The following RHOT1 variants were observed in gnomAD, a reference collection of about 807,000 sequenced individuals.
RHOT1 encodes ras homolog family member T1.
RHOT1 carries 27 observed loss-of-function variants against 95.3 expected under a neutral mutation model. That is an observed-to-expected ratio of 0.28 (90% confidence interval 0.21 to 0.39). RHOT1 has a LOEUF of 0.39. Among genes scored for constraint, RHOT1 ranks in the 10% least tolerant of loss-of-function variants. The probability of loss-of-function intolerance (pLI) is 1.00; values close to 1 mark genes in which losing one functional copy is unlikely to be tolerated. For missense variants in RHOT1, 578 were observed against 786.7 expected (o/e 0.73, Z 3.17); for synonymous variants, 227 against 263.5 (o/e 0.86, Z 1.34).
intron 8 of RHOT1, among the ~76,000 whole-genome samples, chr17:32,187,583 TTTTA>T (rs1417618127): frequency 6.6e-6 from 1 of 152,158 alleles, no homozygotes; most frequent in African/African-American, 2.4e-5. Flanking sequence ...CATTTTATAT[TTTTA>T]TTTATTTATT....
At chr17:32,162,587 G>A (rs952710697) in intron 1 of RHOT1, among the ~76,000 whole-genome samples, 2 of 152,128 alleles carry the variant, frequency 1.3e-5, no homozygotes, top group East Asian at 1.9e-4. Flanking sequence ...TGGTGATGTC[G>A]AAAATAACAG....
chr17:32,222,592 C>A (rs1185680699), intron 19 of RHOT1, among the ~76,000 whole-genome samples: 3 of 151,680 alleles, frequency 2.0e-5, no homozygotes, highest in Admixed American at 2.0e-4. Flanking sequence ...TTAAGTTTGG[C>A]AATTTGCTAT....
chr17:32,193,061 G>A (rs1598407130), intron 9 of RHOT1, 75 bp from the exon 10 acceptor site: 2 of 879,662 alleles, frequency 2.3e-6, no homozygotes, highest in South Asian at 3.1e-5. Flanking sequence ...ATATTGCTTT[G>A]TAGATTATCA....
Position 32,142,988 on chromosome 17 carries a change from T to C in RHOT1, c.37+259T>C, listed in dbSNP as rs921118355. ...TCCTTTCCCTGTTCCCCAGCCGTCC[T>C]CCCAAGCCATGTCCCTATTAGCCCT... On this transcript the variant is annotated intron_variant, in intron 1 of 19. Transcript: ENST00000545287. The C allele has an allele frequency of 2.8e-5, 20 of 708,218 alleles. No homozygotes were observed. The African/African-American group carries it at 3.0e-4, about 11-fold the overall frequency. The allele number at this position is 708,218 out of a possible 1,614,324, so 43.9% of individuals were successfully genotyped here.
intron 13 of RHOT1, among the ~76,000 whole-genome samples, chr17:32,200,063 A>G (rs1257626060): frequency 1.3e-5 from 2 of 150,544 alleles, no homozygotes; most frequent in Non-Finnish European, 2.9e-5. Flanking sequence ...TGCCTCAGCC[A>G]TGAGGTTCTT....
chr17:32,150,975 G>C, intron 1 of RHOT1: 1 of 1,542,914 alleles, frequency 6.5e-7, no homozygotes, highest in Non-Finnish European at 8.8e-7. Context: ...TGCTGCTGCT[G>C]CTGCTGCTTC....
At chr17:32,199,080 T>C (rs758795972) in intron 12 of RHOT1, 49 bp downstream of exon 12, 14 of 1,317,720 alleles carry the variant, frequency 1.1e-5, no homozygotes, top group Non-Finnish European at 1.3e-5. Flanking sequence ...AACATTTTTC[T>C]ATGGATGATA....
chr17:32,180,713 AAAAAG>A (rs1283840915), intron 6 of RHOT1, among the ~76,000 whole-genome samples: 2 of 151,716 alleles, frequency 1.3e-5, no homozygotes, highest in Non-Finnish European at 2.9e-5. Context: ...AAAAAAAAAA[AAAAAG>A]AGGGCAGTTT....
At chr17:32,175,151 A>G (rs1441726401) in intron 3 of RHOT1, among the ~76,000 whole-genome samples, 168 bp from the exon 4 acceptor site, 1 of 152,226 alleles carries the variant, frequency 6.6e-6, no homozygotes, top group African/African-American at 2.4e-5. Context: ...TTTCAGGGCC[A>G]GCTGCCTTAT....
At chr17:32,175,742 G>C (rs1396386661) in intron 4 of RHOT1, among the ~76,000 whole-genome samples, 1 of 152,116 alleles carries the variant, frequency 6.6e-6, no homozygotes. Flanking sequence ...AAGTTCTTTT[G>C]CAGTTCTTTA....
intron 8 of RHOT1, among the ~76,000 whole-genome samples, chr17:32,184,470 G>A (rs2035880093): frequency 6.6e-6 from 1 of 151,550 alleles, no homozygotes; most frequent in African/African-American, 2.4e-5. Flanking sequence ...GTTTTTGGTG[G>A]GTTTTATTTT....
chr17:32,207,233 CAT>C (rs2037822128), intron 17 of RHOT1: 1 of 460,292 alleles, frequency 2.2e-6, no homozygotes, highest in African/African-American at 2.0e-5. Context: ...AAGTTTTCGA[CAT>C]GTGATTGTGA....
At chr17:32,197,913 G>C (rs751807941) in intron 11 of RHOT1, among the ~76,000 whole-genome samples, 1 of 151,988 alleles carries the variant, frequency 6.6e-6, no homozygotes, top group African/African-American at 2.4e-5. Context: ...TTGTTTGTTT[G>C]AGACAGGGTC....
chr17:32,157,142 A>G (rs530138811), intron 1 of RHOT1, among the ~76,000 whole-genome samples: 84 of 152,376 alleles, frequency 5.5e-4, no homozygotes, highest in Non-Finnish European at 9.4e-4. Flanking sequence ...CTCAACACCC[A>G]GCTTAAGAAA....
At chr17:32,222,970 C>G in intron 19 of RHOT1, 3 of 775,068 alleles carry the variant, frequency 3.9e-6, no homozygotes, top group Non-Finnish European at 4.7e-6. Flanking sequence ...ATTTTCTTCT[C>G]TGACTTTTTT....
Position 32,192,300 on chromosome 17 carries a change from G to A in RHOT1, c.639+1G>A. 7.1e-7 allele frequency: 1 copy of A among 1,418,270 alleles called. No individual in the cohort carries two copies. The highest frequency in any genetic ancestry group is 9.7e-7 in the Non-Finnish European group (1 of 1,033,416). 87.9% of individuals were successfully genotyped at this position (1,418,270 alleles called of 1,614,324 possible). A position where few individuals can be genotyped will look rare whatever the true frequency, so the allele number is the denominator to read the frequency against. Reference sequence around the variant, plus strand: ...TGATGCTGAACTCAACTTCTTTCAGGTAATGGTCCTTTATTTCAGACATTT... The same window carrying A: ...TGATGCTGAACTCAACTTCTTTCAGATAATGGTCCTTTATTTCAGACATTT... On this transcript the variant is annotated splice_donor_variant, in intron 9 of 19. Coordinates refer to ENST00000545287, the MANE Select transcript of RHOT1 (RefSeq NM_001033566.3). LOFTEE classifies it high-confidence loss of function.
At chr17:32,143,642 C>CATGAGGA (rs2142325331) in intron 1 of RHOT1, among the ~76,000 whole-genome samples, 1 of 152,270 alleles carries the variant, frequency 6.6e-6, no homozygotes, top group African/African-American at 2.4e-5. Flanking sequence ...TCCCTCTGTT[C>CATGAGGA]ACTGACATGA....
rs1225495591 is a variant in RHOT1 at position 32,211,347 on chromosome 17, GC to G, written c.1862+112del. On this transcript the variant is annotated intron_variant, in intron 19 of 19. Coordinates refer to ENST00000545287, the MANE Select transcript of RHOT1 (RefSeq NM_001033566.3). ...TCACTACAAAGACAAGCTGACTGAT[GC>G]CCAACTAACTTCCACTAAAATTCTC... The G allele has an allele frequency of 5.1e-6, 5 of 983,632 alleles. No homozygotes were observed. The African/African-American group carries it at 8.2e-5, about 16-fold the overall frequency. 60.9% of individuals were successfully genotyped at this position (983,632 alleles called of 1,614,324 possible). A position where few individuals can be genotyped will look rare whatever the true frequency, so the allele number is the denominator to read the frequency against.
Position 32,203,985 on chromosome 17 carries a change from T to C in RHOT1, c.1416+12T>C, listed in dbSNP as rs756897359. ...AGAAATACTTGTTGGTAAGAAATTC[T>C]GTGGCATACAAAAATTACTAATTAT... On this transcript the variant is annotated intron_variant, in intron 16 of 19. Coordinates refer to ENST00000545287, the MANE Select transcript of RHOT1 (RefSeq NM_001033566.3). The C allele has an allele frequency of 1.9e-6, 3 of 1,575,172 alleles. No individual in the cohort carries two copies. The highest frequency in any genetic ancestry group is 1.4e-5 in the African/African-American group (1 of 74,026).
Sources: allele counts gnomAD v4.1 joint callset (sites outside exome capture counted in the v4.1 genomes callset), GRCh38; gene constraint gnomAD v4.1.1; transcripts MANE v1.5; gene names NCBI Gene and HGNC (gene_info 2026-07-23, HGNC 2026-07-21).